PDE3B: variants seen among roughly 807,000 people sequenced by gnomAD.
PDE3B encodes the protein cGMP-inhibited 3',5'-cyclic phosphodiesterase 3B.
A neutral mutation model predicts 116.8 loss-of-function variants in PDE3B; 66 were observed. The ratio of observed to expected loss-of-function variants is 0.56; its 90% CI spans 0.46 to 0.69. The LOEUF (loss-of-function observed/expected upper bound fraction) is 0.69, where lower values mean the gene tolerates loss of function less well. Ranked by LOEUF, PDE3B falls within the 30% of genes least tolerant of loss-of-function variation. The pLI, the probability that PDE3B is intolerant of heterozygous loss-of-function variation, is 0.00. For missense variants in PDE3B, 1,384 were observed against 1,368.1 expected (o/e 1.01, Z -0.18); for synonymous variants, 595 against 533.6 (o/e 1.12, Z -1.59).
intron 8 of PDE3B, among the ~76,000 whole-genome samples, chr11:14,831,169 A>T (rs1859871903): frequency 6.6e-6 from 1 of 151,728 alleles, no homozygotes; most frequent in Non-Finnish European, 1.5e-5. Flanking sequence ...TGTTACTAAA[A>T]ACAATGAAAA....
intron 4 of PDE3B, among the ~76,000 whole-genome samples, chr11:14,802,193 C>T (rs1256171248): frequency 2.0e-5 from 3 of 152,086 alleles, no homozygotes; most frequent in Non-Finnish European, 2.9e-5. Flanking sequence ...AAAAACAATA[C>T]AACAACAAAA....
intron 5 of PDE3B, among the ~76,000 whole-genome samples, chr11:14,815,013 TG>T (rs979361703): frequency 6.9e-6 from 1 of 144,660 alleles, no homozygotes; most frequent in African/African-American, 2.6e-5. Flanking sequence ...GGCGGGTGCC[TG>T]TAATCCCAGC....
chr11:14,790,624 A>C (rs140000462), intron 4 of PDE3B, among the ~76,000 whole-genome samples: 108 of 152,238 alleles, frequency 7.1e-4, no homozygotes, highest in African/African-American at 2.5e-3. Context: ...TAACTCTGAA[A>C]AGTGTTTATT....
At chr11:14,770,275 AT>A (rs1188604183) in intron 1 of PDE3B, among the ~76,000 whole-genome samples, 1 of 151,458 alleles carries the variant, frequency 6.6e-6, no homozygotes, top group Non-Finnish European at 1.5e-5. Flanking sequence ...AAAACATCAG[AT>A]TTATAGATGT....
At chr11:14,894,212 TAATC>T in the PDE3B span, among the ~76,000 whole-genome samples, 4 of 152,204 alleles carry the variant, frequency 2.6e-5, no homozygotes, top group African/African-American at 7.2e-5. Context: ...AAATTCTTAT[TAATC>T]AATAATCTAA....
Position 14,644,701 on chromosome 11 carries a change from C to A in PDE3B, c.626C>A (p.Thr209Lys), listed in dbSNP as rs376203661. ...CTGAGCTGCGTAGGGCTGCTGCTGA[C>A]GCTCGCGCACCCGCTGCGGCTCCGG... The part of the protein sequence containing the change: ...LVLSCVGLLL[T>K]LAHPLRLRHC... The change falls in exon 1 of 16, where the codon ACG (threonine) becomes AAG (lysine). Residue 209 changes from threonine to lysine, a missense_variant. Coordinates refer to ENST00000282096, the MANE Select transcript of PDE3B (RefSeq NM_000922.4). 6.6e-7 allele frequency: 1 copy of A among 1,520,158 alleles called. No individual in the cohort carries two copies. The highest frequency in any genetic ancestry group is 1.4e-5 in the African/African-American group (1 of 72,870). The allele number at this position is 1,520,158 out of a possible 1,614,324, so 94.2% of individuals were successfully genotyped here. A position where few individuals can be genotyped will look rare whatever the true frequency, so the allele number is the denominator to read the frequency against.
intron 7 of PDE3B, among the ~76,000 whole-genome samples, chr11:14,827,899 T>TA (rs1305482691): frequency 1.3e-5 from 2 of 152,222 alleles, no homozygotes; most frequent in African/African-American, 4.8e-5. Flanking sequence ...GGCATCATAT[T>TA]ACCTGATTTC....
At chr11:14,803,466 A>G (rs1858830813) in intron 4 of PDE3B, among the ~76,000 whole-genome samples, 1 of 152,200 alleles carries the variant, frequency 6.6e-6, no homozygotes, top group Non-Finnish European at 1.5e-5. Flanking sequence ...ATCATATAAG[A>G]ACTTGTTAGA....
chr11:14,703,503 A>G (rs1034240485), intron 1 of PDE3B, among the ~76,000 whole-genome samples: 5 of 151,248 alleles, frequency 3.3e-5, no homozygotes, highest in Non-Finnish European at 5.9e-5. Flanking sequence ...TGGGGTTATT[A>G]TGTCCTTTTT....
chr11:14,864,171 C>G (rs1318824421), intron 14 of PDE3B, among the ~76,000 whole-genome samples: 1 of 152,100 alleles, frequency 6.6e-6, no homozygotes, highest in Non-Finnish European at 1.5e-5. Context: ...TCTGATGAAA[C>G]AGACTTTAAA....
At chr11:14,730,350 C>T (rs772237169) in intron 1 of PDE3B, among the ~76,000 whole-genome samples, 2 of 152,152 alleles carry the variant, frequency 1.3e-5, no homozygotes, top group Non-Finnish European at 2.9e-5. Context: ...ATCAACACTC[C>T]TCAGGTAGGT....
At chr11:14,885,802 AAAGG>A in the PDE3B span, 5 of 1,613,162 alleles carry the variant, frequency 3.1e-6, no homozygotes, top group South Asian at 1.1e-5. Context: ...CTTCATGAAT[AAAGG>A]AAGGCATGGT....
intron 1 of PDE3B, among the ~76,000 whole-genome samples, chr11:14,718,362 C>T (rs1339898762): frequency 1.2e-4 from 16 of 133,478 alleles, no homozygotes; most frequent in East Asian, 6.5e-4. Flanking sequence ...GACAGATCAA[C>T]GAGACAGAAA....
chr11:14,667,599 AAC>A (rs1395769944), intron 1 of PDE3B, among the ~76,000 whole-genome samples: 1 of 151,386 alleles, frequency 6.6e-6, no homozygotes, highest in Non-Finnish European at 1.5e-5. Flanking sequence ...CAAAAAACCA[AAC>A]ACTGCATGTT....
At chr11:14,680,666 A>G (rs1854675118) in intron 1 of PDE3B, among the ~76,000 whole-genome samples, 1 of 152,240 alleles carries the variant, frequency 6.6e-6, no homozygotes, top group Admixed American at 6.5e-5. Context: ...ACATACACGT[A>G]AAAGAGTACT....
chr11:14,848,400 C>G (rs1295701739), intron 12 of PDE3B, among the ~76,000 whole-genome samples: 3 of 148,804 alleles, frequency 2.0e-5, no homozygotes, highest in Non-Finnish European at 3.0e-5. Context: ...TGGGCAAAAA[C>G]TGGAAGCATT....
At chr11:14,827,401 C>G (rs1259707376) in intron 7 of PDE3B, among the ~76,000 whole-genome samples, 1 of 152,032 alleles carries the variant, frequency 6.6e-6, no homozygotes, top group Non-Finnish European at 1.5e-5. Context: ...AGACATGATT[C>G]TATATCTAGA....
At chr11:14,803,364 T>G (rs917072873) in intron 4 of PDE3B, among the ~76,000 whole-genome samples, 12 of 152,330 alleles carry the variant, frequency 7.9e-5, no homozygotes, top group Non-Finnish European at 1.5e-5. Context: ...TAATAAAAGT[T>G]GTCAATACTT....
intron 1 of PDE3B, among the ~76,000 whole-genome samples, chr11:14,663,265 T>TC (rs1853999868): frequency 6.6e-6 from 1 of 152,048 alleles, no homozygotes; most frequent in East Asian, 1.9e-4. Flanking sequence ...TGCTGAGAGA[T>TC]TTTGTCACCA....
Sources: allele counts gnomAD v4.1 joint callset (sites outside exome capture counted in the v4.1 genomes callset), GRCh38; gene constraint gnomAD v4.1.1; transcripts MANE v1.5; gene names NCBI Gene and HGNC (gene_info 2026-07-23, HGNC 2026-07-21).